The following NPAS2 variants were observed in gnomAD, a reference collection of about 807,000 sequenced individuals.
The protein encoded by NPAS2 is neuronal PAS domain protein 2, also known as neuronal PAS domain-containing protein 2.
In NPAS2, 23 loss-of-function variants were observed where a neutral mutation model predicts 107.5. The ratio of observed to expected loss-of-function variants is 0.21; its 90% CI spans 0.15 to 0.30. The LOEUF (loss-of-function observed/expected upper bound fraction) is 0.30, where lower values mean the gene tolerates loss of function less well. NPAS2 is among the 10% of genes least tolerant of loss of function. The pLI is 1.00. For synonymous variants in NPAS2, 403 were observed against 417.5 expected (o/e 0.97, Z 0.42); for missense variants, 756 against 1,043.3 (o/e 0.72, Z 3.79).
chr2:100,834,789 G>A (rs996942128), intron 1 of NPAS2, among the ~76,000 whole-genome samples: 2 of 152,050 alleles, frequency 1.3e-5, no homozygotes, highest in Admixed American at 1.3e-4. Context: ...CCACGTCCCA[G>A]GTTCGAGCCA....
At chr2:100,896,182 C>G (rs1438370316) in intron 1 of NPAS2, among the ~76,000 whole-genome samples, 2 of 152,136 alleles carry the variant, frequency 1.3e-5, no homozygotes, top group Non-Finnish European at 2.9e-5. Flanking sequence ...ACAATTGCTG[C>G]CTGGTGGGTG....
intron 2 of NPAS2, among the ~76,000 whole-genome samples, chr2:100,907,489 AACACAC>A (rs55951417): frequency 0.027 from 3,963 of 144,768 alleles, 92 homozygotes; most frequent in Non-Finnish European, 0.041. Context: ...AACACTTGGG[AACACAC>A]ACACACACAC....
chr2:100,951,499 G>A (rs112560049), intron 7 of NPAS2, among the ~76,000 whole-genome samples: 1,880 of 152,208 alleles, frequency 0.012, 33 homozygotes, highest in East Asian at 0.072. Flanking sequence ...AATATTATTC[G>A]GCCTTAAAAA....
At chr2:100,825,467 G>A (rs1027433566) in intron 1 of NPAS2, among the ~76,000 whole-genome samples, 4 of 152,126 alleles carry the variant, frequency 2.6e-5, no homozygotes, top group African/African-American at 9.7e-5. Context: ...TTTTCAAATA[G>A]CACAGAACCA....
chr2:100,876,784 C>T (rs1327178869), intron 1 of NPAS2, among the ~76,000 whole-genome samples: 1 of 152,104 alleles, frequency 6.6e-6, no homozygotes, highest in African/African-American at 2.4e-5. Context: ...GCCATGCACA[C>T]CAAGCTCCTA....
At chr2:100,925,489 T>A (rs1364071952) in intron 3 of NPAS2, among the ~76,000 whole-genome samples, 195 bp downstream of exon 3, 1 of 152,038 alleles carries the variant, frequency 6.6e-6, no homozygotes, top group Admixed American at 6.5e-5. Context: ...GGCACACACC[T>A]CCCAATTGCA....
chr2:100,979,494 ATATATATATT>A (rs1186210134), intron 15 of NPAS2, among the ~76,000 whole-genome samples: 15 of 74,842 alleles, frequency 2.0e-4, no homozygotes, highest in African/African-American at 8.3e-4. Context: ...ATATATATAT[ATATATATATT>A]TTTTTTTTTT....
In NPAS2 at chr2:100,968,406, G is replaced by A. The variant is rs143509936; in HGVS notation, c.1033G>A (p.Val345Met). 31 of 1,614,116 alleles carry A rather than the reference G, an allele frequency of 1.9e-5. No individual in the cohort carries two copies. The African/African-American group carries it at 2.0e-4, about 10-fold the overall frequency. ...HQWNSKPEFI[V>M]CTHSVVSYAD... is the part of the protein sequence containing the mutation. ...GTGGAACTCCAAGCCCGAGTTCATC[G>A]TGTGCACACACTCGGTGGTCAGGTA... is the stretch of plus-strand genomic sequence containing the variant. Residue 345 changes from valine to methionine, a missense_variant, in exon 11 of 21, where the codon GTG (valine) becomes ATG (methionine). By Grantham distance (21) the Val-to-Met change is conservative. Coordinates refer to ENST00000335681, the MANE Select transcript of NPAS2 (RefSeq NM_002518.4). This position sits in a 1 kb window ranked among gnomAD's most constrained non-coding sequence, Gnocchi z 5.3.
intron 7 of NPAS2, among the ~76,000 whole-genome samples, chr2:100,959,272 A>AAC (rs1558912355): frequency 9.3e-6 from 1 of 108,052 alleles, no homozygotes; most frequent in Non-Finnish European, 1.9e-5. Context: ...CTGTCTCAAA[A>AAC]AAAAAAAATT....
At chr2:100,994,720 T>C (rs972024650) in intron 20 of NPAS2, 2 of 152,236 alleles carry the variant, frequency 1.3e-5, no homozygotes, top group Non-Finnish European at 2.9e-5. Context: ...GTCCAGGAAA[T>C]GCCCGAAATG....
chr2:100,932,838 A>G, intron 3 of NPAS2, 72 bp from the exon 4 acceptor site: 1 of 1,019,794 alleles, frequency 9.8e-7, no homozygotes, highest in Non-Finnish European at 1.6e-6. Flanking sequence ...TAGAAGTAAC[A>G]TGTGCTTCAT....
chr2:100,959,101 A>AAAAACAAAC (rs1675761472), intron 7 of NPAS2, among the ~76,000 whole-genome samples: 1 of 99,368 alleles, frequency 1.0e-5, no homozygotes, highest in African/African-American at 4.7e-5. Context: ...AAAAAAAAAA[A>AAAAACAAAC]AAAAAAAACA....
intron 1 of NPAS2, among the ~76,000 whole-genome samples, chr2:100,883,287 G>A (rs1194965828): frequency 1.3e-5 from 2 of 152,334 alleles, no homozygotes; most frequent in South Asian, 2.1e-4. Context: ...CTGGGTTTAT[G>A]CCAGGCTATC....
At position 100,820,825 on chromosome 2, in the gene NPAS2, G is replaced by A. The variant is rs1013537427; in HGVS notation, c.-23+411G>A. ...GACCCATCGCGCTACCCTCCGAAAC[G>A]TCGGGCGTCCTGGACCCCCGGAGAG... is the stretch of plus-strand genomic sequence containing the variant. On this transcript the variant is annotated intron_variant, in intron 1 of 20. Coordinates refer to ENST00000335681, the MANE Select transcript of NPAS2 (RefSeq NM_002518.4). This position sits in a 1 kb window ranked among gnomAD's most constrained non-coding sequence, Gnocchi z 5.6. Among the ~76,000 whole-genome samples the A allele has an allele frequency of 1.3e-5, 2 of 152,100 alleles. No homozygotes were observed. Among genetic ancestry groups the A allele is most frequent in the Non-Finnish European group, 2.9e-5 (2 of 68,004 alleles).
At position 100,934,913 on chromosome 2, in the gene NPAS2, G is replaced by A. The variant is rs1030457756; in HGVS notation, c.273+1912G>A. On this transcript the variant is annotated intron_variant, in intron 4 of 20. Transcript: ENST00000335681. ...GGTGCCATGTCTTAGTGGCCAGGAT[G>A]TTCCCTTTCTAAAATGAGGACAGAG... 5.1e-6 allele frequency: 5 copies of A among 985,264 alleles called. No homozygotes were observed. The African/African-American group carries it at 7.0e-5, about 14-fold the overall frequency. The allele number at this position is 985,264 out of a possible 1,614,324, so 61.0% of individuals were successfully genotyped here.
At chr2:100,878,485 A>G (rs1680125595) in intron 1 of NPAS2, 1 of 985,328 alleles carries the variant, frequency 1.0e-6, no homozygotes, top group Admixed American at 6.1e-5. Flanking sequence ...GTGACATTGA[A>G]GCAAGAAGAA....
rs149513857 is a variant in NPAS2, at chr2:100,841,875, G to T, written c.-23+21461G>T. 9.7e-4 allele frequency among the ~76,000 whole-genome samples: 147 copies of T among 152,066 alleles called. 2 individuals are homozygous for T. The East Asian group carries it at 0.024, about 25-fold the overall frequency. ...ACAGCGTATACACATGCACATATGCGCATGTACACAAATACATGTAAAGGT... is the reference window on the plus strand; with the variant it reads ...ACAGCGTATACACATGCACATATGCTCATGTACACAAATACATGTAAAGGT... On this transcript the variant is annotated intron_variant, in intron 1 of 20. Coordinates refer to ENST00000335681, the MANE Select transcript of NPAS2 (RefSeq NM_002518.4).
chr2:100,970,713 C>T (rs1222229888), intron 11 of NPAS2: 2 of 338,992 alleles, frequency 5.9e-6, no homozygotes, highest in South Asian at 7.5e-5. Context: ...TTGGAGATTT[C>T]AGGGAAGTAA....
chr2:100,853,591 A>C (rs1275851967), intron 1 of NPAS2, among the ~76,000 whole-genome samples: 1 of 152,230 alleles, frequency 6.6e-6, no homozygotes, highest in Non-Finnish European at 1.5e-5. Flanking sequence ...TCAGTGTTTT[A>C]GAACAGGCTT....
Sources: gnomAD v4.1 joint callset for allele counts (sites outside exome capture counted in the v4.1 genomes callset) on GRCh38, gnomAD v4.1.1 for gene constraint, Gnocchi (gnomAD v3.1) non-coding constraint, MANE v1.5 for transcripts, NCBI Gene and HGNC (gene_info 2026-07-23, HGNC 2026-07-21) for gene names.